CGN: variants seen among roughly 807,000 people sequenced by gnomAD.
CGN encodes the protein cingulin.
CGN carries 121 observed loss-of-function variants against 157.1 expected under a neutral mutation model. The observed-to-expected ratio is 0.77, with a 90% CI of 0.66 to 0.90. The LOEUF (loss-of-function observed/expected upper bound fraction) is 0.90. Ranked by LOEUF, CGN falls within the 40% of genes least tolerant of loss-of-function variation. The pLI is 0.00. For missense variants in CGN, 1,424 were observed against 1,520.9 expected (o/e 0.94, Z 1.06); for synonymous variants, 535 against 607.5 (o/e 0.88, Z 1.76).
At position 151,520,581 on chromosome 1, in the gene CGN, C is replaced by G. The variant is rs878928088; in HGVS notation, c.1045-15C>G. Reference sequence around the variant, plus strand: ...GACTCACTCCCTTCCCCCACACCCCCCATATCTCTGGCAGATGGTTTCTTC... The same window carrying G: ...GACTCACTCCCTTCCCCCACACCCCGCATATCTCTGGCAGATGGTTTCTTC... On this transcript the variant is annotated splice_polypyrimidine_tract_variant and intron_variant, in intron 4 of 20. Coordinates refer to ENST00000271636, the MANE Select transcript of CGN (RefSeq NM_020770.3). 6.2e-7 allele frequency: 1 copy of G among 1,614,054 alleles called. No homozygotes were observed. The highest frequency in any genetic ancestry group is 1.1e-5 in the South Asian group (1 of 91,074).
In CGN at chr1:151,530,014, C is replaced by T. The variant is rs567859947; in HGVS notation, c.2212C>T (p.Arg738Cys). ...GGAGGAAAATGACGAATTCCGCCGG[C>T]GCATCCTGGGTTTGGAGCAGCAGCT... The part of the protein sequence containing the change: ...TQEENDEFRR[R>C]ILGLEQQLKE... The change falls in exon 12 of 21, where the codon CGC (arginine) becomes TGC (cysteine). Residue 738 changes from arginine to cysteine, a missense_variant. By Grantham distance (180) the Arg-to-Cys change is radical (BLOSUM62 -3). This residue lies in a region of CGN where 1,187 missense variants were observed against 1,217.6 expected (regional missense o/e 0.97). Transcript: ENST00000271636. The T allele has an allele frequency of 3.1e-5, 50 of 1,614,120 alleles. No individual in the cohort carries two copies. In the South Asian group the frequency reaches 4.1e-4, roughly 13 times the overall value.
chr1:151,530,477 C>A lies in CGN; in HGVS notation c.2314-12C>A, dbSNP rs748605443. ...CCTTTTCTCAGTCCAACCCTGCTTC[C>A]CTACCTCCCAGGCAGAGAAACAGCA... On this transcript the variant is annotated splice_polypyrimidine_tract_variant and intron_variant, in intron 12 of 20. Transcript: ENST00000271636. The A allele has an allele frequency of 1.9e-5, 29 of 1,553,210 alleles. No individual in the cohort carries two copies. Among genetic ancestry groups the A allele is most frequent in the Non-Finnish European group, 2.4e-5 (28 of 1,160,450 alleles).
rs755239295 is a variant in CGN at position 151,529,911 on chromosome 1, T to C, written c.2109T>C (p.Ala703=). The C allele has an allele frequency of 6.2e-7, 1 of 1,613,412 alleles. No homozygotes were observed. The highest frequency in any genetic ancestry group is 8.5e-7 in the Non-Finnish European group (1 of 1,179,720). The change falls in exon 12 of 21, where the codon GCT becomes GCC. Residue 703 remains alanine (A), a splice_region_variant and synonymous_variant. Coordinates refer to ENST00000271636, the MANE Select transcript of CGN (RefSeq NM_020770.3). ...GCCACCCCCTGAACCGTCCTTAGGC[T>C]AAGATGGTGGCCGAGGCAGAGGCAA... ...LRQDCEEASK[A]KMVAEAEATV...
In CGN at chr1:151,529,996, A is replaced by G. The variant is rs749713533; in HGVS notation, c.2194A>G (p.Asn732Asp). ...GACGCTTCGGGAGACCCAGGAGGAA[A>G]ATGACGAATTCCGCCGGCGCATCCT... ...ETTLRETQEE[N>D]DEFRRRILGL... Residue 732 changes from asparagine to aspartate, a missense_variant, in exon 12 of 21, where the codon AAT (asparagine) becomes GAT (aspartate). Coordinates refer to ENST00000271636, the MANE Select transcript of CGN (RefSeq NM_020770.3). 5.0e-6 allele frequency: 8 copies of G among 1,614,148 alleles called. No individual in the cohort carries two copies. The Admixed American group carries it at 1.0e-4, about 20-fold the overall frequency.
intron 1 of CGN, among the ~76,000 whole-genome samples, chr1:151,513,134 C>G (rs973062781): frequency 3.9e-5 from 6 of 152,248 alleles, no homozygotes; most frequent in African/African-American, 1.4e-4. Context: ...TCCTTCAGAG[C>G]TTTGGCTTTG....
At chr1:151,527,480 C>A (rs1664707941) in intron 10 of CGN, among the ~76,000 whole-genome samples, 1 of 152,110 alleles carries the variant, frequency 6.6e-6, no homozygotes, top group South Asian at 2.1e-4. Context: ...GGGTCTCTAA[C>A]TACATTTATG....
At chr1:151,526,323 C>T (rs573076132) in intron 9 of CGN, among the ~76,000 whole-genome samples, 112 of 151,594 alleles carry the variant, frequency 7.4e-4, no homozygotes, top group Non-Finnish European at 1.3e-3. Context: ...GGATTATAGG[C>T]GCCTGCCACT....
At chr1:151,512,920 T>C (rs1410090418) in intron 1 of CGN, among the ~76,000 whole-genome samples, 2 of 151,914 alleles carry the variant, frequency 1.3e-5, no homozygotes, top group Non-Finnish European at 2.9e-5. Flanking sequence ...GTGATGGGGG[T>C]GTAGGGCTCT....
At chr1:151,516,519 ACCTGGGGCC>A (rs1259979933) in intron 1 of CGN, among the ~76,000 whole-genome samples, 3 of 146,360 alleles carry the variant, frequency 2.0e-5, no homozygotes, top group African/African-American at 7.6e-5. Flanking sequence ...AGTTTACCTG[ACCTGGGGCC>A]CCTTAAAGTG....
intron 19 of CGN, 88 bp downstream of exon 19, chr1:151,536,433 T>C: frequency 1.3e-6 from 1 of 746,942 alleles, no homozygotes; most frequent in South Asian, 1.6e-5. Flanking sequence ...CCTTATCTCC[T>C]ATAGGTCCTC....
chr1:151,521,759 A>G (rs535599479), intron 5 of CGN, among the ~76,000 whole-genome samples: 6 of 152,216 alleles, frequency 3.9e-5, no homozygotes, highest in African/African-American at 1.4e-4. Flanking sequence ...AATTACTTGC[A>G]CCCGGGAGGT....
chr1:151,512,500 G>A (rs1664323669), intron 1 of CGN, among the ~76,000 whole-genome samples: 1 of 152,144 alleles, frequency 6.6e-6, no homozygotes, highest in Admixed American at 6.5e-5. Flanking sequence ...GGCACTATTG[G>A]GGCAGGAAAT....
chr1:151,534,341 A>C, intron 15 of CGN: 2 of 582,394 alleles, frequency 3.4e-6, no homozygotes, highest in Admixed American at 6.6e-5. Flanking sequence ...TATTTGGCAG[A>C]TATGGTAATA....
chr1:151,529,974 G>A lies in CGN; in HGVS notation c.2172G>A (p.Thr724=), dbSNP rs1271207839. The change falls in exon 12 of 21, where the codon ACG becomes ACA. Residue 724 remains threonine, a synonymous_variant. Transcript: ENST00000271636. The part of the protein sequence containing the change: ...LGQRRAAVET[T]LRETQEENDE... ...AGCGGCGGGCCGCAGTGGAGACGAC[G>A]CTTCGGGAGACCCAGGAGGAAAATG... 5 of 1,614,058 alleles carry A rather than the reference G, an allele frequency of 3.1e-6. No homozygotes were observed. The highest frequency in any genetic ancestry group is 1.6e-4 in the Middle Eastern group (1 of 6,084).
Position 151,534,006 on chromosome 1 carries a change from C to G in CGN, c.2774C>G (p.Ser925Cys). Residue 925 changes from serine to cysteine, a missense_variant, in exon 15 of 21, where the codon TCC becomes TGC. Coordinates refer to ENST00000271636, the MANE Select transcript of CGN (RefSeq NM_020770.3). Reference protein sequence around the residue: ...IQRLRQALQASQAERDTARLD... With the variant: ...IQRLRQALQACQAERDTARLD... ...AGGCTGCGGCAGGCCCTGCAGGCAT[C>G]CCAGGCTGAGCGGGACACAGCCCGG... The G allele has an allele frequency of 6.2e-7, 1 of 1,612,326 alleles. No homozygotes were observed. Among genetic ancestry groups the G allele is most frequent in the Non-Finnish European group, 8.5e-7 (1 of 1,179,722 alleles).
rs904303028 is a variant in CGN, at chr1:151,525,730, C to T, written c.1703C>T (p.Thr568Ile). 1 of 1,611,780 alleles carries T rather than the reference C, an allele frequency of 6.2e-7. No homozygotes were observed. The highest frequency in any genetic ancestry group is 1.3e-5 in the African/African-American group (1 of 74,592). The stretch of plus-strand genomic sequence containing the variant: ...GAGCTGGAGGAGACTTCAGAGGAGA[C>T]AGGGCATTGGCAGAGTATGTTCCAG... ...QRELEETSEE[T>I]GHWQSMFQKN... Residue 568 changes from threonine (T) to isoleucine (I), a missense_variant, in exon 9 of 21, where the codon ACA becomes ATA. By Grantham distance (89) the Thr-to-Ile change is moderately conservative (BLOSUM62 -1). Around this residue, in one of 3 missense-constraint regions of CGN, gnomAD observed 1,187 missense variants for 1,217.6 expected, o/e 0.97. Coordinates refer to ENST00000271636, the MANE Select transcript of CGN (RefSeq NM_020770.3).
intron 1 of CGN, among the ~76,000 whole-genome samples, chr1:151,516,630 T>C (rs1052457714): frequency 1.0e-4 from 15 of 150,400 alleles, no homozygotes; most frequent in African/African-American, 3.4e-4. Flanking sequence ...GTAACCTCCG[T>C]CTCCCAGGTT....
Position 151,518,878 on chromosome 1 carries a change from C to T in CGN, c.359C>T (p.Ser120Phe), listed in dbSNP as rs770390194. The T allele has an allele frequency of 4.3e-6, 7 of 1,614,094 alleles. No individual in the cohort carries two copies. The South Asian group carries it at 4.4e-5, about 10-fold the overall frequency. ...GFPAPSQSST[S>F]DEEPGAYWNG... ...CCTGCCCCCTCGCAGAGCAGCACAT[C>T]TGATGAGGAGCCTGGGGCCTACTGG... The change falls in exon 2 of 21, where the codon TCT becomes TTT. Residue 120 changes from serine to phenylalanine, a missense_variant. Physicochemically the swap from Ser to Phe is radical, Grantham distance 155. Transcript: ENST00000271636.
chr1:151,510,543 C>T (rs1664259104), upstream of CGN: 2 of 152,164 alleles, frequency 1.3e-5, no homozygotes, highest in Admixed American at 6.5e-5. Context: ...GAGAGGCTAA[C>T]TCTGAGGTAA....
Sources: allele counts gnomAD v4.1 joint callset (sites outside exome capture counted in the v4.1 genomes callset), GRCh38; gene constraint gnomAD v4.1.1; regional missense constraint gnomAD v4.1.1; transcripts MANE v1.5; gene names NCBI Gene and HGNC (gene_info 2026-07-23, HGNC 2026-07-21).